TNS3: variants seen among roughly 807,000 people sequenced by gnomAD.
TNS3 encodes tensin 3.
A neutral mutation model predicts 140.9 loss-of-function variants in TNS3; 45 were observed. The observed-to-expected ratio is 0.32, with a 90% CI of 0.25 to 0.41. The LOEUF (loss-of-function observed/expected upper bound fraction) is 0.41, where lower values mean the gene tolerates loss of function less well. Among genes scored for constraint, TNS3 ranks in the 10% least tolerant of loss-of-function variants. TNS3 has a pLI of 1.00. For synonymous variants in TNS3, 815 were observed against 788.4 expected, an observed-to-expected ratio of 1.03 and a Z score of -0.56; for missense variants, 1,716 against 1,906.7, an observed-to-expected ratio of 0.90 and a Z score of 1.86.
chr7:47,365,559 C>T (rs1483697925), intron 17 of TNS3, among the ~76,000 whole-genome samples: 1 of 152,000 alleles, frequency 6.6e-6, no homozygotes, highest in Non-Finnish European at 1.5e-5. Flanking sequence ...GTCAGGAGAT[C>T]GAGACCTTCT....
At chr7:47,284,000 T>A in intron 27 of TNS3, 135 bp from the exon 28 acceptor site, 1 of 724,502 alleles carries the variant, frequency 1.4e-6, no homozygotes, top group Non-Finnish European at 2.1e-6. Context: ...TGGGTGCATG[T>A]AAGGCAGATG....
At chr7:47,506,187 C>A (rs1355393047) in intron 3 of TNS3, among the ~76,000 whole-genome samples, 2 of 152,174 alleles carry the variant, frequency 1.3e-5, no homozygotes, top group African/African-American at 2.4e-5. Context: ...ACTGCAGACC[C>A]AAATCATACT....
intron 17 of TNS3, among the ~76,000 whole-genome samples, chr7:47,350,875 C>T (rs1472210258): frequency 6.6e-6 from 1 of 152,158 alleles, no homozygotes; most frequent in Non-Finnish European, 1.5e-5. Context: ...TTGAAGTGGA[C>T]AAACACGCTC....
intron 4 of TNS3, among the ~76,000 whole-genome samples, chr7:47,445,324 C>G (rs1795675179): frequency 1.3e-5 from 2 of 152,176 alleles, no homozygotes; most frequent in African/African-American, 2.4e-5. Flanking sequence ...CCCCAGTAAG[C>G]AGACATCACC....
rs149878510 is a variant in TNS3 at position 47,545,890 on chromosome 7, C to A, written c.-264-16743G>T. On this transcript the variant is annotated intron_variant, in intron 1 of 30. Transcript: ENST00000311160. The stretch of plus-strand genomic sequence containing the variant: ...GCTGGTTAAAAACATACCGACATCA[C>A]ACAAACTCCACCCCTACCACTTACA... 1.1e-4 allele frequency among the ~76,000 whole-genome samples: 16 copies of A among 152,338 alleles called. No individual in the cohort carries two copies. In the East Asian group the frequency reaches 2.9e-3, roughly 28 times the overall value.
At chr7:47,524,206 A>G (rs530461890) in intron 2 of TNS3, among the ~76,000 whole-genome samples, 2 of 152,194 alleles carry the variant, frequency 1.3e-5, no homozygotes, top group Admixed American at 6.5e-5. Flanking sequence ...CTGGCAGACC[A>G]GGCCCTTTCA....
chr7:47,387,721 C>T (rs938494020), intron 16 of TNS3, among the ~76,000 whole-genome samples: 15 of 152,206 alleles, frequency 9.9e-5, no homozygotes, highest in African/African-American at 3.4e-4. Context: ...TAATCTAAAA[C>T]GCCTCCCCAG....
rs1584817841 is a variant in TNS3, at chr7:47,529,144, C to A, written c.-261G>T. 7 of 1,269,312 alleles carry A rather than the reference C, an allele frequency of 5.5e-6. No individual in the cohort carries two copies. Among genetic ancestry groups the A allele is most frequent in the Non-Finnish European group, 7.1e-6 (7 of 980,436 alleles). 78.6% of individuals were successfully genotyped at this position (1,269,312 alleles called of 1,614,324 possible). A position where few individuals can be genotyped will look rare whatever the true frequency, so the allele number is the denominator to read the frequency against. On this transcript the variant is annotated 5_prime_UTR_variant, in exon 2 of 31. Coordinates refer to ENST00000311160, the MANE Select transcript of TNS3 (RefSeq NM_022748.12). ...GCGTGCAGACTCGAGGTTAATTCTT[C>A]CGGCTGAAAAAGTAAAGGAAGAAAT...
chr7:47,364,615 G>A (rs1439226445), intron 17 of TNS3, among the ~76,000 whole-genome samples: 1 of 152,200 alleles, frequency 6.6e-6, no homozygotes, highest in Non-Finnish European at 1.5e-5. Flanking sequence ...CATGCAGGCT[G>A]TTCAGAGACC....
At chr7:47,329,759 G>A (rs1434834687) in intron 20 of TNS3, among the ~76,000 whole-genome samples, 1 of 152,168 alleles carries the variant, frequency 6.6e-6, no homozygotes, top group Non-Finnish European at 1.5e-5. Context: ...GGCGGCACCA[G>A]CATGGGGCAG....
intron 1 of TNS3, among the ~76,000 whole-genome samples, chr7:47,534,670 T>C (rs1227920934): frequency 6.6e-6 from 1 of 152,224 alleles, no homozygotes; most frequent in Admixed American, 6.5e-5. Context: ...AGTATCTATA[T>C]ACATTTAAGG....
intron 23 of TNS3, among the ~76,000 whole-genome samples, chr7:47,301,454 G>A (rs536182178): frequency 2.0e-5 from 3 of 152,240 alleles, no homozygotes; most frequent in Non-Finnish European, 2.9e-5. Flanking sequence ...TCCCACAGCC[G>A]AGGGAAGCAC....
intron 17 of TNS3, among the ~76,000 whole-genome samples, chr7:47,367,651 G>A (rs889381755): frequency 8.5e-5 from 13 of 152,060 alleles, no homozygotes; most frequent in East Asian, 3.9e-4. Context: ...CCCCCGCACC[G>A]GGTCCCATGG....
intron 15 of TNS3, among the ~76,000 whole-genome samples, chr7:47,397,365 T>C (rs1792895446): frequency 6.6e-6 from 1 of 152,176 alleles, no homozygotes; most frequent in African/African-American, 2.4e-5. Flanking sequence ...CCTAAATCTA[T>C]GACAATGAAC....
intron 3 of TNS3, among the ~76,000 whole-genome samples, chr7:47,503,528 G>T (rs770545296): frequency 2.0e-5 from 3 of 152,014 alleles, no homozygotes; most frequent in Non-Finnish European, 2.9e-5. Flanking sequence ...CTGCATTCCA[G>T]GAAGCAAAAC....
intron 6 of TNS3, 82 bp downstream of exon 6, chr7:47,439,405 C>A: frequency 1.4e-6 from 2 of 1,478,848 alleles, no homozygotes; most frequent in Non-Finnish European, 1.8e-6. Flanking sequence ...CATGTGTAAA[C>A]CAGTGTTCTG....
At chr7:47,497,573 A>T (rs1798057532) in intron 3 of TNS3, among the ~76,000 whole-genome samples, 1 of 151,966 alleles carries the variant, frequency 6.6e-6, no homozygotes, top group Admixed American at 6.6e-5. Flanking sequence ...AGAGCTACAC[A>T]TGCAAATTTC....
intron 2 of TNS3, among the ~76,000 whole-genome samples, chr7:47,517,663 T>G (rs1798823708): frequency 6.6e-6 from 1 of 152,182 alleles, no homozygotes; most frequent in African/African-American, 2.4e-5. Context: ...TGGATACTAT[T>G]GGGAACACAA....
rs571812445 is a variant in TNS3, at chr7:47,401,707, C to A, written c.724-793G>T. 8.5e-5 allele frequency among the ~76,000 whole-genome samples: 13 copies of A among 152,320 alleles called. No homozygotes were observed. In the East Asian group the frequency reaches 2.5e-3, roughly 29 times the overall value. On this transcript the variant is annotated intron_variant, in intron 13 of 30. Coordinates refer to ENST00000311160, the MANE Select transcript of TNS3 (RefSeq NM_022748.12). ...TCCTGACCTGCCTGTATAACTAGGT[C>A]CCCCCTGCTTCTTGTGACCGTGCGC... is the stretch of plus-strand genomic sequence containing the variant.
Sources: allele counts gnomAD v4.1 joint callset (sites outside exome capture counted in the v4.1 genomes callset), GRCh38; gene constraint gnomAD v4.1.1; transcripts MANE v1.5; gene names NCBI Gene and HGNC (gene_info 2026-07-23, HGNC 2026-07-21).